The following MMS22L variants were observed in gnomAD, a reference collection of about 807,000 sequenced individuals.
The protein encoded by MMS22L is MMS22 like, DNA repair protein.
MMS22L carries 74 observed loss-of-function variants against 159.1 expected under a neutral mutation model. The ratio of observed to expected loss-of-function variants is 0.47; its 90% CI spans 0.39 to 0.56. The LOEUF (loss-of-function observed/expected upper bound fraction) is 0.56. Among genes scored for constraint, MMS22L ranks in the 20% least tolerant of loss-of-function variants. The probability of loss-of-function intolerance (pLI) is 0.00; values close to 1 mark genes in which losing one functional copy is unlikely to be tolerated. For synonymous variants in MMS22L, 517 were observed against 506.9 expected (o/e 1.02, Z -0.27); for missense variants, 1,351 against 1,422.1 (o/e 0.95, Z 0.80).
intron 18 of MMS22L, among the ~76,000 whole-genome samples, chr6:97,174,064 C>T (rs1803852859): frequency 1.3e-5 from 2 of 151,754 alleles, no homozygotes; most frequent in African/African-American, 2.4e-5. Flanking sequence ...ACCATCCTGG[C>T]CAACATGGTG....
At chr6:97,276,558 C>A (rs549744472) in intron 4 of MMS22L, among the ~76,000 whole-genome samples, 57 of 152,284 alleles carry the variant, frequency 3.7e-4, no homozygotes, top group South Asian at 2.3e-3. Context: ...TGCTTTTATC[C>A]CTTCCAAATT....
chr6:97,148,925 C>A (rs1023970432), intron 24 of MMS22L, among the ~76,000 whole-genome samples: 3 of 151,858 alleles, frequency 2.0e-5, no homozygotes. Flanking sequence ...TATAGGTATA[C>A]CATTTTAAAA....
At chr6:97,217,410 C>T (rs569148640) in intron 14 of MMS22L, among the ~76,000 whole-genome samples, 8 of 151,988 alleles carry the variant, frequency 5.3e-5, no homozygotes, top group African/African-American at 7.2e-5. Context: ...CCCACCACCA[C>T]GCCCAGCTAA....
At chr6:97,197,070 A>C (rs1806605341) in intron 14 of MMS22L, among the ~76,000 whole-genome samples, 1 of 152,146 alleles carries the variant, frequency 6.6e-6, no homozygotes, top group South Asian at 2.1e-4. Context: ...AAAAAAAATA[A>C]AAATTTTCAC....
intron 18 of MMS22L, among the ~76,000 whole-genome samples, chr6:97,176,696 G>T (rs143346577): frequency 6.6e-5 from 10 of 152,234 alleles, no homozygotes; most frequent in Non-Finnish European, 1.5e-4. Flanking sequence ...AACTTCCCTG[G>T]CAGGTAGTGT....
chr6:97,226,510 C>G (rs909190454), intron 14 of MMS22L, among the ~76,000 whole-genome samples: 5 of 152,106 alleles, frequency 3.3e-5, no homozygotes, highest in African/African-American at 1.2e-4. Context: ...AGGAGAATTG[C>G]TTGAGCCCAG....
At chr6:97,159,538 T>C (rs992510376) in intron 22 of MMS22L, among the ~76,000 whole-genome samples, 2 of 152,026 alleles carry the variant, frequency 1.3e-5, no homozygotes, top group African/African-American at 4.8e-5. Flanking sequence ...TATATAAATT[T>C]ATGTCTTTCA....
At chr6:97,200,758 T>C (rs1807056532) in intron 14 of MMS22L, among the ~76,000 whole-genome samples, 1 of 152,078 alleles carries the variant, frequency 6.6e-6, no homozygotes, top group African/African-American at 2.4e-5. Context: ...GGAGCAGATA[T>C]AATGTCAAAC....
rs575716898 is a variant in MMS22L at position 97,144,652 on chromosome 6, T to C, written c.*2154A>G. On this transcript the variant is annotated 3_prime_UTR_variant, in exon 25 of 25. Coordinates refer to ENST00000683635, the MANE Select transcript of MMS22L (RefSeq NM_001350599.2). ...ACAGGGTATTTAGGGAAAGTGGCTA[T>C]TAAAGAAGCAGGTATAAGGGACTCC... 13 of 152,134 alleles carry C rather than the reference T, an allele frequency of 8.5e-5. No individual in the cohort carries two copies. In the East Asian group the frequency reaches 2.5e-3, roughly 29 times the overall value. 9.4% of individuals were successfully genotyped at this position (152,134 alleles called of 1,614,324 possible).
chr6:97,235,820 G>A (rs749678021), intron 11 of MMS22L, among the ~76,000 whole-genome samples: 1 of 152,174 alleles, frequency 6.6e-6, no homozygotes, highest in Non-Finnish European at 1.5e-5. Context: ...AAGATCCAGT[G>A]CACGAGGGAA....
At chr6:97,154,473 A>C (rs1297717106) in intron 22 of MMS22L, among the ~76,000 whole-genome samples, 3 of 152,114 alleles carry the variant, frequency 2.0e-5, no homozygotes, top group Admixed American at 6.5e-5. Flanking sequence ...AGTCCAATTT[A>C]TCTCTTCTGT....
intron 9 of MMS22L, among the ~76,000 whole-genome samples, chr6:97,256,729 C>A (rs887971292): frequency 3.9e-5 from 6 of 152,096 alleles, no homozygotes; most frequent in African/African-American, 1.4e-4. Context: ...GGCAGAAGGA[C>A]TGCTTGAGGT....
chr6:97,232,651 T>TA (rs914161405), intron 12 of MMS22L, among the ~76,000 whole-genome samples: 1 of 152,120 alleles, frequency 6.6e-6, no homozygotes, highest in Non-Finnish European at 1.5e-5. Flanking sequence ...TGCTTTCTGG[T>TA]ATGACAAGAC....
chr6:97,202,461 G>C (rs1303143244), intron 14 of MMS22L, among the ~76,000 whole-genome samples: 1 of 152,192 alleles, frequency 6.6e-6, no homozygotes, highest in Admixed American at 6.5e-5. Context: ...CATTATGGGA[G>C]GGATCCTATG....
At chr6:97,150,533 T>C (rs1801218177) in intron 23 of MMS22L, among the ~76,000 whole-genome samples, 1 of 152,130 alleles carries the variant, frequency 6.6e-6, no homozygotes, top group Non-Finnish European at 1.5e-5. Flanking sequence ...AATTCTATAT[T>C]TAGCCTTAAA....
intron 14 of MMS22L, among the ~76,000 whole-genome samples, chr6:97,208,572 T>C (rs1808036942): frequency 1.3e-5 from 2 of 152,024 alleles, no homozygotes; most frequent in South Asian, 4.1e-4. Flanking sequence ...GGGGAAACTG[T>C]ATATTTCACT....
chr6:97,228,335 T>C (rs1336969431), intron 14 of MMS22L, among the ~76,000 whole-genome samples: 5 of 152,312 alleles, frequency 3.3e-5, no homozygotes, highest in Non-Finnish European at 5.9e-5. Flanking sequence ...ATAAGCTTTC[T>C]TTTGAAAAGC....
intron 11 of MMS22L, among the ~76,000 whole-genome samples, chr6:97,234,559 A>G (rs1450149484): frequency 6.6e-6 from 1 of 152,192 alleles, no homozygotes; most frequent in Admixed American, 6.5e-5. Context: ...CAATCATTCA[A>G]CAATTGTATT....
chr6:97,229,500 A>C, intron 13 of MMS22L, 97 bp from the exon 14 acceptor site: 103 of 839,994 alleles, frequency 1.2e-4, no homozygotes, highest in Middle Eastern at 3.6e-4. Context: ...TAACAATCTC[A>C]TTAAATTTTA....
Sources: gnomAD v4.1 joint callset for allele counts (sites outside exome capture counted in the v4.1 genomes callset) on GRCh38, gnomAD v4.1.1 for gene constraint, MANE v1.5 for transcripts, NCBI Gene and HGNC (gene_info 2026-07-23, HGNC 2026-07-21) for gene names.